EFL1: variants seen among roughly 807,000 people sequenced by gnomAD.
EFL1 encodes elongation factor-like GTPase 1.
A neutral mutation model predicts 126.7 loss-of-function variants in EFL1; 76 were observed. That is an observed-to-expected ratio of 0.60 (90% CI 0.50 to 0.73). The LOEUF (loss-of-function observed/expected upper bound fraction) is 0.73, where lower values mean the gene tolerates loss of function less well. Among genes scored for constraint, EFL1 ranks in the 30% least tolerant of loss-of-function variants. The pLI, the probability that EFL1 is intolerant of heterozygous loss-of-function variation, is 0.00. For missense variants in EFL1, 1,128 were observed against 1,343.2 expected, an observed-to-expected ratio of 0.84 and a Z score of 2.50; for synonymous variants, 410 against 448.4, an observed-to-expected ratio of 0.91 and a Z score of 1.08.
intron 15 of EFL1, among the ~76,000 whole-genome samples, chr15:82,177,563 T>C (rs1424164377): frequency 6.6e-6 from 1 of 152,210 alleles, no homozygotes; most frequent in Non-Finnish European, 1.5e-5. Flanking sequence ...GCTCCTGACA[T>C]TGTGGTTCAC....
intron 16 of EFL1, 92 bp from the exon 17 acceptor site, chr15:82,157,952 T>A: frequency 7.7e-7 from 1 of 1,303,160 alleles, no homozygotes; most frequent in Non-Finnish European, 1.0e-6. Flanking sequence ...AAAATTACAT[T>A]GAAATAAACT....
chr15:82,210,830 C>T (rs553706594), intron 15 of EFL1, among the ~76,000 whole-genome samples: 56 of 148,442 alleles, frequency 3.8e-4, no homozygotes, highest in African/African-American at 1.4e-3. Context: ...CCATTGCACT[C>T]CAGCCTGGGC....
intron 7 of EFL1, 86 bp from the exon 8 acceptor site, chr15:82,231,057 T>G: frequency 1.4e-6 from 2 of 1,464,494 alleles, no homozygotes; most frequent in Non-Finnish European, 1.8e-6. Flanking sequence ...TTTACACGTG[T>G]ATTACTAAAC....
intron 15 of EFL1, among the ~76,000 whole-genome samples, chr15:82,204,891 A>G (rs1161152251): frequency 2.0e-5 from 3 of 152,246 alleles, no homozygotes; most frequent in Non-Finnish European, 4.4e-5. Flanking sequence ...GGAAGAGAAT[A>G]TGATCTGCAG....
In EFL1 at chr15:82,152,436, T is replaced by G; in HGVS notation, c.2031-13A>C. The G allele has an allele frequency of 6.3e-7, 1 of 1,580,784 alleles. No individual in the cohort carries two copies. Among genetic ancestry groups the G allele is most frequent in the Non-Finnish European group, 8.6e-7 (1 of 1,166,006 alleles). ...AATCTTTGCAAACCTACAGACAAAT[T>G]CAAGAGAAATAACAGAAGGTTAAAA... On this transcript the variant is annotated splice_polypyrimidine_tract_variant and intron_variant, in intron 17 of 19. Coordinates refer to ENST00000268206, the MANE Select transcript of EFL1 (RefSeq NM_024580.6).
intron 14 of EFL1, among the ~76,000 whole-genome samples, chr15:82,218,248 C>A (rs911329336): frequency 3.3e-5 from 5 of 152,082 alleles, no homozygotes; most frequent in African/African-American, 1.2e-4. Flanking sequence ...AAAACTAACA[C>A]AAAGGATGAA....
At chr15:82,247,481 G>A (rs2074983376) in intron 4 of EFL1, among the ~76,000 whole-genome samples, 1 of 152,080 alleles carries the variant, frequency 6.6e-6, no homozygotes, top group Non-Finnish European at 1.5e-5. Flanking sequence ...TGAATAATTG[G>A]ATGGTCTGAG....
chr15:82,262,000 A>C, intron 1 of EFL1: 3 of 465,254 alleles, frequency 6.4e-6, no homozygotes, highest in Non-Finnish European at 1.1e-5. Context: ...ATTACACTTA[A>C]GGAGTTTGCT....
At chr15:82,236,177 T>C (rs549025651) in intron 7 of EFL1, among the ~76,000 whole-genome samples, 3 of 152,168 alleles carry the variant, frequency 2.0e-5, no homozygotes, top group South Asian at 4.2e-4. Context: ...AAATTTTAAA[T>C]AAAAGGAGAG....
chr15:82,238,627 T>G (rs2074898916), intron 6 of EFL1, 106 bp from the exon 7 acceptor site: 1 of 1,007,544 alleles, frequency 9.9e-7, no homozygotes, highest in South Asian at 1.6e-5. Flanking sequence ...TTAGTCAGTT[T>G]GGGCTCATTA....
intron 15 of EFL1, among the ~76,000 whole-genome samples, chr15:82,168,939 T>C (rs2074105732): frequency 2.0e-5 from 3 of 152,176 alleles, no homozygotes; most frequent in Admixed American, 6.5e-5. Context: ...ACTATCTTTG[T>C]ATTTGAGAAG....
chr15:82,236,687 G>A (rs1057487544), intron 7 of EFL1, among the ~76,000 whole-genome samples: 3 of 152,068 alleles, frequency 2.0e-5, no homozygotes, highest in Non-Finnish European at 4.4e-5. Flanking sequence ...CTCAAAATGG[G>A]TCATGGATTA....
chr15:82,132,524 G>A (rs2073662444), intron 19 of EFL1, among the ~76,000 whole-genome samples: 1 of 142,390 alleles, frequency 7.0e-6, no homozygotes, highest in Non-Finnish European at 1.5e-5. Flanking sequence ...GGAAAAGGCA[G>A]ACAGTAGAAG....
chr15:82,171,720 A>C (rs1033704713), intron 15 of EFL1, among the ~76,000 whole-genome samples: 1 of 152,178 alleles, frequency 6.6e-6, no homozygotes, highest in African/African-American at 2.4e-5. Context: ...ACTACTAGAG[A>C]GTGGGGAGGG....
At chr15:82,226,229 C>T (rs111432056) in intron 11 of EFL1, among the ~76,000 whole-genome samples, 29,619 of 151,984 alleles carry the variant, frequency 0.19, 3,116 homozygotes, top group South Asian at 0.39. Context: ...AGTGCAGTGG[C>T]GTTATCTCGG....
chr15:82,219,327 G>A (rs1276593086), intron 14 of EFL1, among the ~76,000 whole-genome samples: 8 of 152,092 alleles, frequency 5.3e-5, no homozygotes, highest in Non-Finnish European at 7.4e-5. Context: ...CTCAAAGACC[G>A]GCCATTGCCC....
chr15:82,179,452 C>T (rs2074226823), intron 15 of EFL1, among the ~76,000 whole-genome samples: 2 of 152,080 alleles, frequency 1.3e-5, no homozygotes, highest in East Asian at 1.9e-4. Flanking sequence ...ACTTAGATTG[C>T]ACCTACTTTA....
intron 3 of EFL1, 92 bp from the exon 4 acceptor site, chr15:82,252,867 A>G (rs934862110): frequency 2.4e-5 from 21 of 864,702 alleles, no homozygotes; most frequent in Non-Finnish European, 3.3e-5. Context: ...TTAAATACTT[A>G]TATTTAATTT....
intron 4 of EFL1, among the ~76,000 whole-genome samples, chr15:82,251,859 T>G (rs1567080046): frequency 6.6e-6 from 1 of 152,230 alleles, no homozygotes; most frequent in African/African-American, 2.4e-5. Context: ...ATACATTTTG[T>G]GTAAAATTTT....
Sources: allele counts gnomAD v4.1 joint callset (sites outside exome capture counted in the v4.1 genomes callset), GRCh38; gene constraint gnomAD v4.1.1; transcripts MANE v1.5; gene names NCBI Gene and HGNC (gene_info 2026-07-23, HGNC 2026-07-21).